The following BNC2 variants were observed in gnomAD, a reference collection of about 807,000 sequenced individuals.
BNC2 encodes the protein basonuclin zinc finger protein 2, also known as zinc finger protein basonuclin-2.
BNC2 carries 20 observed loss-of-function variants against 76.3 expected under a neutral mutation model. That is an observed-to-expected ratio of 0.26 (90% CI 0.18 to 0.38). The LOEUF (loss-of-function observed/expected upper bound fraction) is 0.38. Ranked by LOEUF, BNC2 falls within the 10% of genes least tolerant of loss-of-function variation. BNC2 has a pLI of 1.00. For missense variants in BNC2, 1,382 were observed against 1,399.8 expected (o/e 0.99, Z 0.20); for synonymous variants, 582 against 514.8 (o/e 1.13, Z -1.77).
intron 1 of BNC2, among the ~76,000 whole-genome samples, chr9:16,745,808 A>G (rs1293434802): frequency 2.0e-5 from 3 of 152,230 alleles, no homozygotes; most frequent in African/African-American, 7.2e-5. Flanking sequence ...AACCCATTAC[A>G]TGTGACTGTA....
intron 4 of BNC2, among the ~76,000 whole-genome samples, chr9:16,573,204 A>G (rs2132883856): frequency 6.8e-6 from 1 of 147,888 alleles, no homozygotes; most frequent in African/African-American, 2.5e-5. Flanking sequence ...TCTGGGTGAC[A>G]GAGCAAGACC....
intron 5 of BNC2, among the ~76,000 whole-genome samples, chr9:16,487,483 C>G (rs946289615): frequency 6.6e-6 from 1 of 152,184 alleles, no homozygotes; most frequent in Non-Finnish European, 1.5e-5. Context: ...TACAGTACTG[C>G]ACAGTGGGCA....
intron 5 of BNC2, among the ~76,000 whole-genome samples, chr9:16,518,601 T>TTG (rs1479367183): frequency 2.1e-4 from 15 of 72,456 alleles, no homozygotes; most frequent in African/African-American, 3.8e-4. Flanking sequence ...GTTGTTGTTG[T>TTG]TTGTTTGTTT....
intron 1 of BNC2, among the ~76,000 whole-genome samples, chr9:16,870,423 A>C (rs10810649): frequency 6.6e-6 from 1 of 151,680 alleles, no homozygotes; most frequent in African/African-American, 2.4e-5. Context: ...AGCTCGCCTC[A>C]GAAACTTGGG....
At chr9:16,594,610 C>T (rs895223915) in intron 3 of BNC2, among the ~76,000 whole-genome samples, 2 of 152,130 alleles carry the variant, frequency 1.3e-5, no homozygotes, top group African/African-American at 4.8e-5. Context: ...CAACTGATTA[C>T]CCAGGCCAAT....
intron 5 of BNC2, among the ~76,000 whole-genome samples, chr9:16,524,511 T>A (rs534468894): frequency 6.6e-6 from 1 of 152,236 alleles, no homozygotes; most frequent in Admixed American, 6.5e-5. Flanking sequence ...TGGGGGGTGA[T>A]TTCTTATTCT....
chr9:16,770,120 G>A (rs991223290), intron 1 of BNC2, among the ~76,000 whole-genome samples: 5 of 152,152 alleles, frequency 3.3e-5, no homozygotes, highest in Non-Finnish European at 5.9e-5. Flanking sequence ...AACAGCAGAG[G>A]AAACTAACAT....
At chr9:16,757,814 C>G (rs1825429889) in intron 1 of BNC2, among the ~76,000 whole-genome samples, 1 of 151,724 alleles carries the variant, frequency 6.6e-6, no homozygotes, top group African/African-American at 2.4e-5. Context: ...ATAATAAAGT[C>G]TTATAAATTA....
intron 1 of BNC2, among the ~76,000 whole-genome samples, chr9:16,747,976 A>C: frequency 6.6e-6 from 1 of 151,186 alleles, no homozygotes; most frequent in East Asian, 2.0e-4. Flanking sequence ...TTTTACTATG[A>C]ATCTTTCCAA....
In BNC2 at chr9:16,763,577, CA is replaced by C. The variant is rs199834154; in HGVS notation, c.4-25093del. ...AGAGCAAGACCCTGTCTCAAAAAAA[CA>C]AAAAAAAACCATCATCACCTTCAGA... On this transcript the variant is annotated intron_variant, in intron 1 of 6. Coordinates refer to ENST00000380672, the MANE Select transcript of BNC2 (RefSeq NM_017637.6). Among the ~76,000 whole-genome samples, 14 of 149,440 alleles carry C rather than the reference CA, an allele frequency of 9.4e-5. No homozygotes were observed. The South Asian group carries it at 2.8e-3, about 29-fold the overall frequency.
At chr9:16,428,168 T>C (rs1820836148) in intron 6 of BNC2, among the ~76,000 whole-genome samples, 1 of 152,200 alleles carries the variant, frequency 6.6e-6, no homozygotes, top group Non-Finnish European at 1.5e-5. Context: ...AAGTGCTCTC[T>C]CTCTTGCTCT....
intron 5 of BNC2, among the ~76,000 whole-genome samples, chr9:16,533,939 A>T (rs1818058028): frequency 6.6e-6 from 1 of 152,142 alleles, no homozygotes; most frequent in Admixed American, 6.5e-5. Context: ...GTAGTAATAC[A>T]GCAGATTTCA....
chr9:16,869,229 A>G (rs1819616538), intron 1 of BNC2, among the ~76,000 whole-genome samples: 1 of 152,136 alleles, frequency 6.6e-6, no homozygotes, highest in Non-Finnish European at 1.5e-5. Context: ...ATAAAAATAA[A>G]ACAGGCCACT....
At chr9:16,775,035 G>A (rs1370156278) in intron 1 of BNC2, among the ~76,000 whole-genome samples, 2 of 152,150 alleles carry the variant, frequency 1.3e-5, no homozygotes, top group East Asian at 3.8e-4. Context: ...TTATTTCTAG[G>A]TTCCTTTAGA....
intron 1 of BNC2, among the ~76,000 whole-genome samples, chr9:16,823,972 T>C (rs1009171296): frequency 1.3e-4 from 20 of 152,214 alleles, no homozygotes; most frequent in African/African-American, 4.3e-4. Context: ...TCTTAGTTTG[T>C]AGAATGGATT....
intron 5 of BNC2, among the ~76,000 whole-genome samples, chr9:16,497,248 C>G (rs1169990284): frequency 6.6e-6 from 1 of 152,178 alleles, no homozygotes; most frequent in Non-Finnish European, 1.5e-5. Context: ...GGCCTAATTT[C>G]TAGATATTGC....
chr9:16,728,108 G>T (rs1824403659), intron 2 of BNC2, 111 bp from the exon 3 acceptor site: 1 of 693,746 alleles, frequency 1.4e-6, no homozygotes, highest in Non-Finnish European at 2.5e-6. Context: ...GGGAGATTTG[G>T]GGGAGGGAGG....
intron 5 of BNC2, among the ~76,000 whole-genome samples, chr9:16,471,993 T>C (rs148241038): frequency 1.3e-4 from 20 of 152,344 alleles, no homozygotes; most frequent in African/African-American, 4.6e-4. Flanking sequence ...GCCTCTGCCA[T>C]GTAAGAAGTG....
At chr9:16,832,193 C>G in intron 1 of BNC2, 1 of 953,200 alleles carries the variant, frequency 1.0e-6, no homozygotes, top group Non-Finnish European at 1.4e-6. Flanking sequence ...ATTAAAACTA[C>G]AAGGTAGTCT....
Sources: allele counts gnomAD v4.1 joint callset (sites outside exome capture counted in the v4.1 genomes callset), GRCh38; gene constraint gnomAD v4.1.1; transcripts MANE v1.5; gene names NCBI Gene and HGNC (gene_info 2026-07-23, HGNC 2026-07-21).